The following PRR5 variants were observed in gnomAD, a reference collection of about 807,000 sequenced individuals.
The protein encoded by PRR5 is proline rich 5, also known as proline-rich protein 5.
A neutral mutation model predicts 30.6 loss-of-function variants in PRR5; 25 were observed. The ratio of observed to expected loss-of-function variants is 0.82; its 90% confidence interval spans 0.60 to 1.14. The LOEUF (loss-of-function observed/expected upper bound fraction) is 1.14, where lower values mean the gene tolerates loss of function less well. Among genes scored for constraint, PRR5 ranks in the 50% most tolerant of loss-of-function variants. The pLI is 0.00. For missense variants in PRR5, 600 were observed against 547.1 expected (o/e 1.10, Z -0.96); for synonymous variants, 286 against 247.1 (o/e 1.16, Z -1.48).
upstream of PRR5, among the ~76,000 whole-genome samples, chr22:44,698,142 T>A (rs1022428287): frequency 1.4e-4 from 21 of 151,900 alleles, no homozygotes; most frequent in African/African-American, 4.8e-4. Flanking sequence ...GATATCAGGG[T>A]CCCCCTTGGT....
chr22:44,718,814 C>A (rs1929498399), intron 2 of PRR5, among the ~76,000 whole-genome samples: 1 of 152,138 alleles, frequency 6.6e-6, no homozygotes, highest in Non-Finnish European at 1.5e-5. Flanking sequence ...ACTGTCTGTT[C>A]CCATCCCTTG....
chr22:44,692,349 GGGGCTCCTCCTCCCA>G lies in PRR5; in HGVS notation c.-10-10128_-10-10114del, dbSNP rs777189147. Among the ~76,000 whole-genome samples the G allele has an allele frequency of 5.6e-3, 604 of 108,740 alleles. 5 individuals are homozygous for G. The highest frequency in any genetic ancestry group is 0.019 in the African/African-American group (512 of 27,328). 71.3% of individuals were successfully genotyped at this position (108,740 alleles called of 152,430 possible). A position where few individuals can be genotyped will look rare whatever the true frequency, so the allele number is the denominator to read the frequency against. On this transcript the variant is annotated intron_variant, in intron 1 of 8. Coordinates refer to the PRR5 transcript ENST00000006251. ...GCTCCTCCTCCCAGGGCTCCTCCTG[GGGGCTCCTCCTCCCA>G]GGGCTCCTCCTCCCGGGGCTCCTCC...
At chr22:44,734,742 A>C (rs569683445) in intron 6 of PRR5, 2 of 483,424 alleles carry the variant, frequency 4.1e-6, no homozygotes, top group African/African-American at 1.9e-5. Context: ...CGAGGGGTGG[A>C]AGGTGCAGAA....
intron 7 of PRR5, among the ~76,000 whole-genome samples, chr22:44,735,511 G>T (rs1435021827): frequency 6.6e-6 from 1 of 152,184 alleles, no homozygotes; most frequent in South Asian, 2.1e-4. Context: ...CTCAGTTAGG[G>T]GACCCAGGCT....
chr22:44,731,899 C>A (rs771827973), intron 5 of PRR5, 78 bp downstream of exon 5: 4 of 1,449,506 alleles, frequency 2.8e-6, no homozygotes, highest in Non-Finnish European at 3.7e-6. Context: ...AGAGGGGGGC[C>A]GCCAGGCTTG....
chr22:44,704,717 C>A (rs867611923), intron 1 of PRR5, among the ~76,000 whole-genome samples: 38 of 149,864 alleles, frequency 2.5e-4, no homozygotes, highest in Admixed American at 6.0e-4. Flanking sequence ...ATTACCAGCA[C>A]CCCCCACCGA....
intron 1 of PRR5, among the ~76,000 whole-genome samples, chr22:44,681,030 G>A (rs1262854001): frequency 6.6e-6 from 1 of 152,346 alleles, no homozygotes; most frequent in Middle Eastern, 3.4e-3. Context: ...GCACGGCAGC[G>A]GCTCTGCCTT....
At chr22:44,670,673 G>A (rs1248852775) in intron 1 of PRR5, among the ~76,000 whole-genome samples, 2 of 152,220 alleles carry the variant, frequency 1.3e-5, no homozygotes, top group Non-Finnish European at 2.9e-5. Context: ...AGCAGCCTGT[G>A]CAGAAACATT....
At chr22:44,726,801 A>C (rs1182312933) in intron 4 of PRR5, among the ~76,000 whole-genome samples, 167 bp downstream of exon 4, 1 of 152,122 alleles carries the variant, frequency 6.6e-6, no homozygotes, top group Non-Finnish European at 1.5e-5. Context: ...CGAGATCCTT[A>C]CCCAGAGGGA....
intron 2 of PRR5, among the ~76,000 whole-genome samples, chr22:44,725,015 G>T (rs1314504919): frequency 6.6e-6 from 1 of 152,172 alleles, no homozygotes; most frequent in Admixed American, 6.5e-5. Context: ...TGACATGAGT[G>T]CAGGGATCTA....
At chr22:44,675,030 C>T (rs1923648926), upstream of PRR5, among the ~76,000 whole-genome samples, 1 of 149,200 alleles carries the variant, frequency 6.7e-6, no homozygotes, top group Non-Finnish European at 1.5e-5. Context: ...GGGTGGATCA[C>T]GAGATCAGGA....
upstream of PRR5, among the ~76,000 whole-genome samples, chr22:44,698,324 G>C (rs1925949375): frequency 2.0e-5 from 3 of 150,234 alleles, no homozygotes; most frequent in African/African-American, 7.4e-5. Flanking sequence ...CTGGAGCAGG[G>C]GTGGCTCTGG....
At chr22:44,680,073 G>T (rs1924137210) in intron 1 of PRR5, among the ~76,000 whole-genome samples, 1 of 152,214 alleles carries the variant, frequency 6.6e-6, no homozygotes, top group African/African-American at 2.4e-5. Context: ...CCTGGGAGCT[G>T]CTGTGATTTG....
rs546093390 is a variant in PRR5, at chr22:44,690,631, G to A, written c.-10-11861G>A. 8.2e-4 allele frequency among the ~76,000 whole-genome samples: 125 copies of A among 152,292 alleles called. No homozygotes were observed. In the South Asian group the frequency reaches 0.013, roughly 16 times the overall value. On this transcript the variant is annotated intron_variant, in intron 1 of 8. Transcript: ENST00000006251. ...ACAGTCAAGCAGAGGGAATCAGCCC[G>A]AGGTCGACATCTATTAAGTGGTGAA...
chr22:44,686,993 G>A (rs67227874), intron 1 of PRR5, among the ~76,000 whole-genome samples: 17,923 of 152,128 alleles, frequency 0.12, 2,678 homozygotes, highest in African/African-American at 0.35. Flanking sequence ...ATGGTTTCTC[G>A]GGAATTTCCT....
In PRR5 at chr22:44,731,748, C is replaced by T. The variant is rs547180222; in HGVS notation, c.341C>T (p.Ser114Leu). 115 of 1,613,820 alleles carry T rather than the reference C, an allele frequency of 7.1e-5. 1 individual carries two copies. In the East Asian group the frequency reaches 2.4e-3, roughly 34 times the overall value. The stretch of plus-strand genomic sequence containing the variant: ...CCCACAGGACAGAAGCTGCTGGACT[C>T]ACTGGCAGAGACCTGGGACTTCTTC... ...RFYEGQKLLD[S>L]LAETWDFFFS... The change falls in exon 5 of 8, where the codon TCA (serine) becomes TTA (leucine). Residue 114 changes from serine to leucine, a missense_variant. Ser to Leu is a moderately radical substitution (Grantham distance 145, BLOSUM62 -2). Transcript: ENST00000336985.
At position 44,723,317 on chromosome 22, in the gene PRR5, G is replaced by A. The variant is rs73416593; in HGVS notation, c.216-1927G>A. Among the ~76,000 whole-genome samples the A allele has an allele frequency of 5.6e-3, 853 of 152,222 alleles. 4 individuals carry two copies. The highest frequency in any genetic ancestry group is 0.019 in the African/African-American group (772 of 41,544). On this transcript the variant is annotated intron_variant, in intron 2 of 7. Coordinates refer to ENST00000336985, the MANE Select transcript of PRR5 (RefSeq NM_181333.4). ...TCAGAACATTGAAAGCTGTTGTACT[G>A]TTGGTCTATTGGTTATAAACATAAC...
chr22:44,670,141 A>G (rs1025510823), intron 1 of PRR5, among the ~76,000 whole-genome samples: 1 of 152,190 alleles, frequency 6.6e-6, no homozygotes, highest in African/African-American at 2.4e-5. Context: ...GGACAAAGTC[A>G]TCTACCTTCC....
chr22:44,686,673 G>A (rs538250403), intron 1 of PRR5, among the ~76,000 whole-genome samples: 211 of 152,224 alleles, frequency 1.4e-3, no homozygotes, highest in Non-Finnish European at 2.5e-3. Flanking sequence ...ACACCACCAC[G>A]CCCAGCTAAT....
Sources: allele counts gnomAD v4.1 joint callset (sites outside exome capture counted in the v4.1 genomes callset), GRCh38; gene constraint gnomAD v4.1.1; transcripts MANE v1.5; gene names NCBI Gene and HGNC (gene_info 2026-07-23, HGNC 2026-07-21).